The following NFIB variants were observed in gnomAD, a reference collection of about 807,000 sequenced individuals.
The protein encoded by NFIB is nuclear factor I B.
In NFIB, 11 loss-of-function variants were observed where a neutral mutation model predicts 61.5. The ratio of observed to expected loss-of-function variants is 0.18; its 90% CI spans 0.11 to 0.30. The LOEUF (loss-of-function observed/expected upper bound fraction) is 0.30, where lower values mean the gene tolerates loss of function less well. Ranked by LOEUF, NFIB falls within the 10% of genes least tolerant of loss-of-function variation. The pLI is 1.00. For synonymous variants in NFIB, 260 were observed against 216.5 expected (o/e 1.20, Z -1.76); for missense variants, 471 against 608.9 (o/e 0.77, Z 2.38).
At chr9:14,454,775 C>G in the NFIB span, among the ~76,000 whole-genome samples, 1 of 152,216 alleles carries the variant, frequency 6.6e-6, no homozygotes, top group Non-Finnish European at 1.5e-5. Context: ...AGTCCCAAAG[C>G]TTAGTCACAT....
intron 1 of NFIB, among the ~76,000 whole-genome samples, chr9:14,365,707 G>T (rs1057327408): frequency 6.6e-6 from 1 of 152,170 alleles, no homozygotes; most frequent in Non-Finnish European, 1.5e-5. Flanking sequence ...ACAAACATAT[G>T]CTCTTATCAA....
chr9:14,189,649 C>G (rs977566245), intron 2 of NFIB, among the ~76,000 whole-genome samples: 1 of 151,058 alleles, frequency 6.6e-6, no homozygotes, highest in African/African-American at 2.4e-5. Flanking sequence ...CTTGCAAACG[C>G]TGACAACACA....
the NFIB span, among the ~76,000 whole-genome samples, chr9:14,481,213 A>G: frequency 6.9e-4 from 63 of 90,784 alleles, 1 homozygote; most frequent in South Asian, 5.2e-3. Context: ...ATATATATAT[A>G]TATATATATA....
chr9:14,247,761 C>T (rs1427115919), intron 2 of NFIB, among the ~76,000 whole-genome samples: 1 of 152,140 alleles, frequency 6.6e-6, no homozygotes, highest in East Asian at 1.9e-4. Context: ...AGTCAAGACT[C>T]AGTAATTAGT....
intron 1 of NFIB, chr9:14,398,494 A>T (rs1293780617): frequency 2.0e-6 from 3 of 1,491,920 alleles, no homozygotes; most frequent in Non-Finnish European, 2.7e-6. Flanking sequence ...TGAAAGAAAA[A>T]CTGGTTAAAT....
intron 1 of NFIB, chr9:14,398,454 G>T: frequency 8.7e-7 from 1 of 1,149,538 alleles, no homozygotes; most frequent in Non-Finnish European, 1.2e-6. Context: ...CCCACACTGA[G>T]ACACATTGTC....
chr9:14,349,018 A>T (rs1205762175), intron 1 of NFIB, among the ~76,000 whole-genome samples: 1 of 152,244 alleles, frequency 6.6e-6, no homozygotes, highest in Non-Finnish European at 1.5e-5. Flanking sequence ...GAAATTCGGA[A>T]AACTCCACCG....
chr9:14,318,827 G>A (rs1375461338), upstream of NFIB, among the ~76,000 whole-genome samples: 3 of 152,056 alleles, frequency 2.0e-5, no homozygotes, highest in Non-Finnish European at 4.4e-5. Context: ...TATTGAAAGT[G>A]CCTGTACTTG....
intron 1 of NFIB, among the ~76,000 whole-genome samples, chr9:14,386,850 T>C (rs1169977534): frequency 6.6e-6 from 1 of 152,222 alleles, no homozygotes; most frequent in East Asian, 1.9e-4. Flanking sequence ...GGTGTGTTAT[T>C]AGGTGCTCCA....
intron 2 of NFIB, among the ~76,000 whole-genome samples, chr9:14,184,367 T>C (rs2047116711): frequency 6.6e-6 from 1 of 152,226 alleles, no homozygotes; most frequent in Non-Finnish European, 1.5e-5. Flanking sequence ...CATTCACCAA[T>C]ACATTCAAAA....
intron 1 of NFIB, among the ~76,000 whole-genome samples, chr9:14,363,586 T>C (rs114494927): frequency 7.8e-4 from 118 of 151,404 alleles, no homozygotes; most frequent in Middle Eastern, 3.4e-3. Flanking sequence ...ATGGCATGTA[T>C]ATGTGTGTAC....
At chr9:14,425,337 A>C in the NFIB span, among the ~76,000 whole-genome samples, 1 of 152,110 alleles carries the variant, frequency 6.6e-6, no homozygotes, top group Non-Finnish European at 1.5e-5. Context: ...CTGGTACACA[A>C]GGTCTGCCAG....
the NFIB span, among the ~76,000 whole-genome samples, chr9:14,453,948 G>A: frequency 3.3e-5 from 5 of 151,932 alleles, no homozygotes; most frequent in African/African-American, 1.2e-4. Context: ...GGGCACGGTG[G>A]GCACCTGTAG....
chr9:14,181,299 G>A (rs2046745290), intron 2 of NFIB, among the ~76,000 whole-genome samples: 1 of 152,098 alleles, frequency 6.6e-6, no homozygotes, highest in Non-Finnish European at 1.5e-5. Flanking sequence ...GGCATATTTA[G>A]TGATTCCCAC....
At chr9:14,170,488 A>T (rs2045448266) in intron 3 of NFIB, among the ~76,000 whole-genome samples, 2 of 152,194 alleles carry the variant, frequency 1.3e-5, no homozygotes, top group South Asian at 4.1e-4. Context: ...CAAAAAAATT[A>T]AAAATTAGCT....
At chr9:14,123,665 C>T (rs1411689781) in intron 7 of NFIB, among the ~76,000 whole-genome samples, 1 of 152,202 alleles carries the variant, frequency 6.6e-6, no homozygotes, top group Non-Finnish European at 1.5e-5. Flanking sequence ...GCCTCTAATG[C>T]ACTGATACAT....
At chr9:14,450,584 TCTAA>T in the NFIB span, among the ~76,000 whole-genome samples, 51 of 152,208 alleles carry the variant, frequency 3.4e-4, no homozygotes, top group Non-Finnish European at 4.9e-4. Flanking sequence ...CTTGCTCAGT[TCTAA>T]CTAAGTGCCC....
rs35605571 is a variant in NFIB at position 14,295,633 on chromosome 9, AAAAC to A, written c.562+11352_562+11355del. On this transcript the variant is annotated intron_variant, in intron 2 of 10. Coordinates refer to ENST00000380953, the MANE Select transcript of NFIB (RefSeq NM_001190737.2). ...GCTACCCAGCCAGACTCCTTCTCAA[AAAAC>A]AAACAAACAAACAAACAAACAAACA... Among the ~76,000 whole-genome samples the A allele has an allele frequency of 3.4e-3, 508 of 149,734 alleles. 1 individual carries two copies. Among genetic ancestry groups the A allele is most frequent in the Non-Finnish European group, 5.4e-3 (362 of 67,344 alleles).
At position 14,084,805 on chromosome 9, in the gene NFIB, T is replaced by TTA. The variant is rs909816904; in HGVS notation, c.*3502_*3503dup. On this transcript the variant is annotated 3_prime_UTR_variant, in exon 11 of 11. Transcript: ENST00000380953. ...GAGGCCGAAAAGTTGATTTGAGATT[T>TTA]TATATATATAGTAGTACTTTTAATA... The TTA allele has an allele frequency of 1.3e-5, 3 of 228,504 alleles. No individual in the cohort carries two copies. The highest frequency in any genetic ancestry group is 2.6e-5 in the Non-Finnish European group (3 of 115,086). 14.2% of individuals were successfully genotyped at this position (228,504 alleles called of 1,614,324 possible).
Sources: gnomAD v4.1 joint callset for allele counts (sites outside exome capture counted in the v4.1 genomes callset) on GRCh38, gnomAD v4.1.1 for gene constraint, MANE v1.5 for transcripts, NCBI Gene and HGNC (gene_info 2026-07-23, HGNC 2026-07-21) for gene names.